The following DDX19B variants were observed in gnomAD, a reference collection of about 807,000 sequenced individuals.
DDX19B encodes ATP-dependent RNA helicase DDX19B.
In DDX19B, 27 loss-of-function variants were observed where a neutral mutation model predicts 58.1. The ratio of observed to expected loss-of-function variants is 0.46; its 90% CI spans 0.34 to 0.64. The LOEUF is 0.64. Ranked by LOEUF, DDX19B falls within the 30% of genes least tolerant of loss-of-function variation. The pLI, the probability that DDX19B is intolerant of heterozygous loss-of-function variation, is 0.01. For synonymous variants in DDX19B, 187 were observed against 214.4 expected (o/e 0.87, Z 1.12); for missense variants, 399 against 596.5 (o/e 0.67, Z 3.45).
At chr16:70,319,445 T>C (rs1225820780) in intron 5 of DDX19B, among the ~76,000 whole-genome samples, 1 of 152,198 alleles carries the variant, frequency 6.6e-6, no homozygotes, top group Non-Finnish European at 1.5e-5. Flanking sequence ...TTGCAGGTGA[T>C]GCTGATGCTG....
intron 1 of DDX19B, among the ~76,000 whole-genome samples, chr16:70,305,322 C>G (rs1351042937): frequency 6.6e-6 from 1 of 152,174 alleles, no homozygotes; most frequent in Non-Finnish European, 1.5e-5. Context: ...ATACCTGCTT[C>G]CACTTAATGC....
At chr16:70,296,813 T>A (rs1272579098), upstream of DDX19B, among the ~76,000 whole-genome samples, 2 of 152,190 alleles carry the variant, frequency 1.3e-5, no homozygotes, top group African/African-American at 4.8e-5. Context: ...AAGTAGAATG[T>A]TCTCTGGAAC....
chr16:70,331,741 G>C lies in DDX19B; in HGVS notation c.1043G>C (p.Trp348Ser). The C allele has an allele frequency of 2.5e-6, 4 of 1,613,982 alleles. No homozygotes were observed. Among genetic ancestry groups the C allele is most frequent in the Non-Finnish European group, 2.5e-6 (3 of 1,179,998 alleles). The change falls in exon 10 of 12, where the codon TGG (tryptophan) becomes TCG (serine). Residue 348 changes from tryptophan (W) to serine (S), a missense_variant. Transcript: ENST00000288071. ...CTACAGACTCGCAAAACAGCTAGTTGGCTGGCAGCAGAGCTCTCAAAAGAA... is the reference window on the plus strand; with the variant it reads ...CTACAGACTCGCAAAACAGCTAGTTCGCTGGCAGCAGAGCTCTCAAAAGAA... ...IFCHTRKTAS[W>S]LAAELSKEGH...
At chr16:70,299,155 C>T (rs191831287), upstream of DDX19B, 93 of 1,376,244 alleles carry the variant, frequency 6.8e-5, no homozygotes, top group Admixed American at 1.7e-4. Flanking sequence ...GAGTGGCCTC[C>T]GACGTCACTG....
intron 9 of DDX19B, among the ~76,000 whole-genome samples, chr16:70,330,907 T>G (rs1963449219): frequency 6.6e-6 from 1 of 151,664 alleles, no homozygotes; most frequent in Non-Finnish European, 1.5e-5. Flanking sequence ...TAGCCAGGCG[T>G]GGTGGTGCAT....
Position 70,319,360 on chromosome 16 carries a change from T to C in DDX19B, c.389+1772T>C, listed in dbSNP as rs1385033188. On this transcript the variant is annotated intron_variant, in intron 5 of 11. Coordinates refer to ENST00000288071, the MANE Select transcript of DDX19B (RefSeq NM_007242.7). ...CACTTTCATAGGCATACAAATCTCATAGACATTTATTAAAATGCAGGGTCT... is the reference window on the plus strand; with the variant it reads ...CACTTTCATAGGCATACAAATCTCACAGACATTTATTAAAATGCAGGGTCT... Among the ~76,000 whole-genome samples the C allele has an allele frequency of 3.9e-5, 6 of 152,146 alleles. No individual in the cohort carries two copies. In the East Asian group the frequency reaches 7.7e-4, roughly 20 times the overall value.
At chr16:70,323,785 T>A (rs1432019807) in intron 5 of DDX19B, among the ~76,000 whole-genome samples, 2 of 152,128 alleles carry the variant, frequency 1.3e-5, no homozygotes, top group Non-Finnish European at 2.9e-5. Flanking sequence ...TTGCCACTCT[T>A]ACCCCCTACC....
chr16:70,331,867 C>G lies in DDX19B; in HGVS notation c.1169C>G (p.Thr390Ser), dbSNP rs1030931305. The change falls in exon 10 of 12, where the codon ACC becomes AGC. Residue 390 changes from threonine to serine, a missense_variant. Physicochemically the swap from Thr to Ser is moderately conservative, Grantham distance 58. Around this residue, in one of 4 missense-constraint regions of DDX19B, gnomAD observed 198 missense variants for 345.9 expected, o/e 0.57. Transcript: ENST00000288071. ...REGKEKVLVT[T>S]NVCARGIDVE... ...GGCAAAGAGAAGGTTTTGGTGACCA[C>G]CAACGTGTGTGCCCGCGGTGAGCAG... is the stretch of plus-strand genomic sequence containing the variant. The G allele has an allele frequency of 1.2e-6, 2 of 1,614,016 alleles. No homozygotes were observed. The highest frequency in any genetic ancestry group is 1.1e-5 in the South Asian group (1 of 91,064).
At chr16:70,296,548 C>A (rs1961231742), upstream of DDX19B, among the ~76,000 whole-genome samples, 1 of 152,080 alleles carries the variant, frequency 6.6e-6, no homozygotes, top group African/African-American at 2.4e-5. Context: ...GGTCCTGCAA[C>A]TTGGGCGATG....
upstream of DDX19B, chr16:70,294,632 C>T (rs1961154617): frequency 2.3e-6 from 1 of 428,548 alleles, no homozygotes; most frequent in East Asian, 3.5e-5. Context: ...CCCAGTCTCA[C>T]CAGGAAGCCA....
intron 5 of DDX19B, among the ~76,000 whole-genome samples, chr16:70,318,337 G>A (rs1310960112): frequency 6.6e-6 from 1 of 151,210 alleles, no homozygotes; most frequent in African/African-American, 2.4e-5. Context: ...TCACACCAGT[G>A]CACTCCAGCC....
chr16:70,314,568 G>C (rs1962266246), intron 2 of DDX19B, among the ~76,000 whole-genome samples: 1 of 151,718 alleles, frequency 6.6e-6, no homozygotes, highest in South Asian at 2.1e-4. Flanking sequence ...GGAGGCTGAG[G>C]CAAGAGAATG....
intron 5 of DDX19B, among the ~76,000 whole-genome samples, chr16:70,320,087 G>T (rs949074833): frequency 3.3e-5 from 5 of 151,764 alleles, no homozygotes; most frequent in African/African-American, 1.2e-4. Flanking sequence ...TATATTTGTG[G>T]ATCTAATATT....
chr16:70,333,311 C>T, intron 11 of DDX19B, 152 bp downstream of exon 11: 4 of 1,231,380 alleles, frequency 3.2e-6, no homozygotes, highest in Non-Finnish European at 4.5e-6. Context: ...GGGAGCACAC[C>T]TGGAGACTTC....
intron 4 of DDX19B, 57 bp from the exon 5 acceptor site, chr16:70,317,439 T>G: frequency 1.5e-6 from 2 of 1,345,062 alleles, no homozygotes; most frequent in Non-Finnish European, 2.1e-6. Context: ...CTCCAGATAT[T>G]TTGCTGCTTT....
upstream of DDX19B, among the ~76,000 whole-genome samples, chr16:70,293,597 A>ATTTTTTTTTTTTTTTTTGTTTTTTTTT (rs1961113786): frequency 1.3e-5 from 1 of 77,024 alleles, no homozygotes; most frequent in Non-Finnish European, 2.2e-5. Context: ...GGATGGCTGA[A>ATTTTTTTTTTTTTTTTTGTTTTTTTTT]TTTTTTTTTT....
upstream of DDX19B, among the ~76,000 whole-genome samples, chr16:70,291,619 C>T (rs1961062841): frequency 6.6e-6 from 1 of 151,792 alleles, no homozygotes; most frequent in South Asian, 2.1e-4. Flanking sequence ...ACCATCCTGG[C>T]TAACACGACG....
intron 10 of DDX19B, 119 bp from the exon 11 acceptor site, chr16:70,332,849 C>A: frequency 1.3e-6 from 2 of 1,573,410 alleles, no homozygotes; most frequent in South Asian, 1.2e-5. Context: ...CAATGTCATG[C>A]ACGTCTCTTA....
intron 7 of DDX19B, among the ~76,000 whole-genome samples, chr16:70,328,317 T>G (rs1963288927): frequency 6.6e-6 from 1 of 151,876 alleles, no homozygotes; most frequent in Non-Finnish European, 1.5e-5. Context: ...TCATTTAAAA[T>G]TTTGCAATTT....
Sources: allele counts gnomAD v4.1 joint callset (sites outside exome capture counted in the v4.1 genomes callset), GRCh38; gene constraint gnomAD v4.1.1; regional missense constraint gnomAD v4.1.1; transcripts MANE v1.5; gene names NCBI Gene and HGNC (gene_info 2026-07-23, HGNC 2026-07-21).